Variants in GPHN observed in about 807,000 individuals in gnomAD.
GPHN encodes gephyrin.
Under a neutral mutation model 95.5 loss-of-function variants are expected in GPHN, and 17 were observed. The ratio of observed to expected loss-of-function variants is 0.18; its 90% CI spans 0.12 to 0.27. GPHN has a LOEUF of 0.27. GPHN is among the 10% of genes least tolerant of loss of function. The probability of loss-of-function intolerance (pLI) is 1.00; values close to 1 mark genes in which losing one functional copy is unlikely to be tolerated. For synonymous variants in GPHN, 320 were observed against 322.5 expected, an observed-to-expected ratio of 0.99 and a Z score of 0.08; for missense variants, 660 against 978.1, an observed-to-expected ratio of 0.67 and a Z score of 4.34.
intron 9 of GPHN, among the ~76,000 whole-genome samples, chr14:66,979,543 A>G (rs948887434): frequency 1.1e-4 from 17 of 152,202 alleles, no homozygotes; most frequent in Non-Finnish European, 4.4e-5. Context: ...ACTTGAAGAA[A>G]GTTACAGCCT....
intron 10 of GPHN, among the ~76,000 whole-genome samples, chr14:67,039,272 A>G (rs2074581024): frequency 6.6e-6 from 1 of 152,118 alleles, no homozygotes; most frequent in African/African-American, 2.4e-5. Flanking sequence ...CTCCAGTTTC[A>G]TATGTTCTTC....
chr14:67,440,611 G>C, the GPHN span, among the ~76,000 whole-genome samples: 3 of 152,132 alleles, frequency 2.0e-5, no homozygotes, highest in Non-Finnish European at 2.9e-5. Flanking sequence ...AATCAGCTGG[G>C]CATGGTTGTG....
chr14:66,891,023 G>A (rs2064467252), intron 5 of GPHN, among the ~76,000 whole-genome samples: 1 of 152,152 alleles, frequency 6.6e-6, no homozygotes, highest in Admixed American at 6.5e-5. Flanking sequence ...TCAGGAACAA[G>A]ATGGGGATGC....
intron 18 of GPHN, among the ~76,000 whole-genome samples, chr14:67,149,612 A>T (rs1285541766): frequency 6.6e-6 from 1 of 152,230 alleles, no homozygotes; most frequent in Non-Finnish European, 1.5e-5. Context: ...AAGAACACTT[A>T]TAGTTATACT....
the GPHN span, chr14:67,208,521 C>G: frequency 5.0e-5 from 73 of 1,472,232 alleles, no homozygotes; most frequent in Non-Finnish European, 6.5e-5. Flanking sequence ...GTGCTTTAGT[C>G]TCTTAACTCA....
the GPHN span, among the ~76,000 whole-genome samples, chr14:67,200,796 T>C: frequency 7.2e-5 from 11 of 152,324 alleles, no homozygotes. Context: ...CCTGTGCTGT[T>C]TCCAAGTTAG....
chr14:67,295,160 AATAT>A, the GPHN span, among the ~76,000 whole-genome samples: 1 of 151,072 alleles, frequency 6.6e-6, no homozygotes, highest in Non-Finnish European at 1.5e-5. Context: ...TTGTCTATGA[AATAT>A]ATAAAGAACT....
chr14:67,213,734 C>A, the GPHN span, among the ~76,000 whole-genome samples: 1 of 152,106 alleles, frequency 6.6e-6, no homozygotes, highest in African/African-American at 2.4e-5. Flanking sequence ...CCTGAGGAAT[C>A]GCCACACTGA....
intron 2 of GPHN, among the ~76,000 whole-genome samples, chr14:66,723,514 A>T (rs1024088221): frequency 5.9e-5 from 9 of 152,104 alleles, no homozygotes; most frequent in African/African-American, 2.2e-4. Context: ...TTTGTTGTTG[A>T]CAAATCAGAC....
At chr14:67,565,493 T>A in the GPHN span, among the ~76,000 whole-genome samples, 58 of 152,262 alleles carry the variant, frequency 3.8e-4, no homozygotes, top group Middle Eastern at 3.4e-3. Context: ...GATCCTCCTT[T>A]GTCAGCCATA....
the GPHN span, among the ~76,000 whole-genome samples, chr14:67,357,384 A>G: frequency 6.6e-6 from 1 of 152,246 alleles, no homozygotes; most frequent in African/African-American, 2.4e-5. Context: ...ACATCTGACT[A>G]CATGACAAAA....
chr14:66,683,653 A>G (rs2067144424), intron 2 of GPHN, among the ~76,000 whole-genome samples: 1 of 148,110 alleles, frequency 6.8e-6, no homozygotes, highest in Non-Finnish European at 1.5e-5. Context: ...TTGAATAGGA[A>G]GTATATCAGA....
At chr14:67,002,219 TC>T (rs1162531176) in intron 9 of GPHN, among the ~76,000 whole-genome samples, 1 of 151,126 alleles carries the variant, frequency 6.6e-6, no homozygotes, top group Non-Finnish European at 1.5e-5. Flanking sequence ...GATATAGTAA[TC>T]CCATCTTTTA....
chr14:67,365,980 C>A, the GPHN span, among the ~76,000 whole-genome samples: 1 of 152,020 alleles, frequency 6.6e-6, no homozygotes, highest in Non-Finnish European at 1.5e-5. Context: ...TAGCTATAGC[C>A]CCGCCCAAAA....
chr14:67,305,058 GAGGAAATAT>G, the GPHN span, among the ~76,000 whole-genome samples: 1 of 152,154 alleles, frequency 6.6e-6, no homozygotes, highest in East Asian at 1.9e-4. Context: ...GAAGAGAAAT[GAGGAAATAT>G]AGTTTGTCTT....
intron 8 of GPHN, among the ~76,000 whole-genome samples, chr14:66,945,344 C>T (rs562037277): frequency 6.6e-6 from 1 of 152,320 alleles, no homozygotes; most frequent in African/African-American, 2.4e-5. Context: ...CATAGCTCCA[C>T]CCCATCCTCC....
At chr14:67,302,526 C>A in the GPHN span, 1 of 1,587,484 alleles carries the variant, frequency 6.3e-7, no homozygotes, top group Non-Finnish European at 8.6e-7. Context: ...AGATTAATGG[C>A]ATTGAAATTC....
the GPHN span, chr14:67,569,235 T>C: frequency 6.3e-7 from 1 of 1,584,820 alleles, no homozygotes; most frequent in East Asian, 2.2e-5. Context: ...CAAGTGAGGC[T>C]TGGAGGCACC....
At chr14:67,650,949 A>G in the GPHN span, 2 of 1,602,058 alleles carry the variant, frequency 1.2e-6, no homozygotes, top group African/African-American at 2.7e-5. Context: ...ATGTTTCACA[A>G]CAGGCATTCC....
Sources: allele counts gnomAD v4.1 joint callset (sites outside exome capture counted in the v4.1 genomes callset), GRCh38; gene constraint gnomAD v4.1.1; transcripts MANE v1.5; gene names NCBI Gene and HGNC (gene_info 2026-07-23, HGNC 2026-07-21).